The following MUC5B variants were observed in gnomAD, a reference collection of about 807,000 sequenced individuals.
MUC5B encodes mucin 5B, oligomeric mucus/gel-forming.
Under a neutral mutation model 376.9 loss-of-function variants are expected in MUC5B, and 116 were observed. The observed-to-expected ratio is 0.31, with a 90% CI of 0.26 to 0.36. The LOEUF is 0.36. MUC5B is among the 10% of genes least tolerant of loss of function. MUC5B has a pLI of 1.00. For synonymous variants in MUC5B, 3,517 were observed against 3,390.9 expected (o/e 1.04, Z -1.29); for missense variants, 7,165 against 7,769.9 (o/e 0.92, Z 2.93).
rs118120924 is a variant in MUC5B at position 1,241,188 on chromosome 11, G to A, written c.4308G>A (p.Pro1436=). ...AATACGTGCCCTGTGGCCCCTCCCC[G>A]GCCCCAGGCACCAGCCCTCAGCCCT... ...CCEYVPCGPS[P]APGTSPQPSL... The change falls in exon 31 of 49, where the codon CCG becomes CCA. Residue 1436 remains proline, a synonymous_variant. Transcript: ENST00000529681. 647 of 1,595,074 alleles carry A rather than the reference G, an allele frequency of 4.1e-4. 11 individuals are homozygous for A. In the East Asian group the frequency reaches 0.013, roughly 31 times the overall value.
rs397834801 is a variant in MUC5B, at chr11:1,250,556, T to C, written c.13676T>C (p.Val4559Ala). ...ACACCCTCCTCCACTCCAGAGACTG[T>C]CCACACCTCCACAGTGCTTACCGCC... ...TATPSSTPET[V>A]HTSTVLTATA... The change falls in exon 31 of 49, where the codon GTC (valine) becomes GCC (alanine). Residue 4559 changes from valine (V) to alanine (A), a missense_variant. Val to Ala is a moderately conservative substitution (Grantham distance 64). Around this residue, in one of 31 missense-constraint regions of MUC5B, gnomAD observed 730 missense variants for 592.7 expected, o/e 1.23. Transcript: ENST00000529681. 113 of 1,603,852 alleles carry C rather than the reference T, an allele frequency of 7.0e-5. No individual in the cohort carries two copies. Among genetic ancestry groups the C allele is most frequent in the African/African-American group, 2.2e-4 (16 of 71,342 alleles).
chr11:1,228,830 G>A, intron 8 of MUC5B, 65 bp downstream of exon 8: 1 of 1,353,034 alleles, frequency 7.4e-7, no homozygotes. Context: ...GAGCGCCTTG[G>A]GGGCCACTGG....
chr11:1,247,953 G>C lies in MUC5B; in HGVS notation c.11073G>C (p.Trp3691Cys), dbSNP rs2133837009. ...CCTCCTCAACTCCGGGGACGACCTG[G>C]ATCCTCACAAAGCTGACCACAACAG... ...ATPSSTPGTTWILTKLTTTAT... is the reference protein window; with the variant it reads ...ATPSSTPGTTCILTKLTTTAT... The change falls in exon 31 of 49, where the codon TGG becomes TGC. Residue 3691 changes from tryptophan (W) to cysteine (C), a missense_variant. Trp to Cys is a radical substitution (Grantham distance 215). This residue lies in a region of MUC5B where 90 missense variants were observed against 71.1 expected (regional missense o/e 1.27). Transcript: ENST00000529681. 6.2e-7 allele frequency: 1 copy of C among 1,610,736 alleles called. No individual in the cohort carries two copies. The highest frequency in any genetic ancestry group is 8.5e-7 in the Non-Finnish European group (1 of 1,177,920).
chr11:1,237,844 A>G (rs1862191449), intron 25 of MUC5B, among the ~76,000 whole-genome samples: 1 of 152,204 alleles, frequency 6.6e-6, no homozygotes, highest in South Asian at 2.1e-4. Flanking sequence ...ACTCCAGCCT[A>G]AGCAAAAAGA....
Position 1,251,226 on chromosome 11 carries a change from T to C in MUC5B, c.14346T>C (p.Ser4782=), listed in dbSNP as rs770386500. The C allele has an allele frequency of 3.8e-5, 61 of 1,607,454 alleles. No individual in the cohort carries two copies. Among genetic ancestry groups the C allele is most frequent in the Non-Finnish European group, 4.7e-5 (55 of 1,176,856 alleles). Residue 4782 remains serine (S), a synonymous_variant, in exon 31 of 49, where the codon TCT becomes TCC. Transcript: ENST00000529681. Reference sequence around the variant, plus strand: ...CCATGTCCACAATCCACACCTCCTCTACTCCAGAGACCACCCACACCTCCA... The same window carrying C: ...CCATGTCCACAATCCACACCTCCTCCACTCCAGAGACCACCCACACCTCCA... ...MSTMSTIHTS[S]TPETTHTSTV...
At position 1,234,050 on chromosome 11, in the gene MUC5B, C is replaced by T. The variant is rs889898487; in HGVS notation, c.2378-155C>T. ...GTGGGTCTCTGCCCCGCAGTGTGGCCGGGGTGTCCTGGGGTTGGGGGCTGC... is the reference window on the plus strand; with the variant it reads ...GTGGGTCTCTGCCCCGCAGTGTGGCTGGGGTGTCCTGGGGTTGGGGGCTGC... On this transcript the variant is annotated intron_variant, in intron 19 of 48. Coordinates refer to ENST00000529681, the MANE Select transcript of MUC5B (RefSeq NM_002458.3). This position sits in a 1 kb window ranked among gnomAD's most constrained non-coding sequence, Gnocchi z 6.3. 3.9e-5 allele frequency among the ~76,000 whole-genome samples: 6 copies of T among 152,240 alleles called. No homozygotes were observed. The East Asian group carries it at 5.8e-4, about 15-fold the overall frequency.
In MUC5B at chr11:1,245,769, G is replaced by T; in HGVS notation, c.8889G>T (p.Val2963=). ...TGTGCTTCAACTATGAAATCCGTGT[G>T]TTCTGCTGCAACTACGGCCACTGCC... The part of the protein sequence containing the change: ...FKMCFNYEIR[V]FCCNYGHCPS... The change falls in exon 31 of 49, where the codon GTG becomes GTT. Residue 2963 remains valine (V), a synonymous_variant. Transcript: ENST00000529681. The T allele has an allele frequency of 1.9e-6, 3 of 1,612,606 alleles. No homozygotes were observed. Among genetic ancestry groups the T allele is most frequent in the Non-Finnish European group, 2.5e-6 (3 of 1,179,716 alleles).
Position 1,244,626 on chromosome 11 carries a change from C to T in MUC5B, c.7746C>T (p.Thr2582=), listed in dbSNP as rs533882258. The change falls in exon 31 of 49, where the codon ACC becomes ACT. Residue 2582 remains threonine (T), a synonymous_variant. Transcript: ENST00000529681. ...TCCACACCTCCACAGTGCTTACCAC[C>T]ACGGCCACCACAACCGGGGCCACCG... is the stretch of plus-strand genomic sequence containing the variant. ...ETVHTSTVLT[T]TATTTGATGS... is the part of the protein sequence containing the mutation. 131 of 1,613,460 alleles carry T rather than the reference C, an allele frequency of 8.1e-5. No homozygotes were observed. The highest frequency in any genetic ancestry group is 3.3e-4 in the Middle Eastern group (2 of 6,056).
chr11:1,231,572 C>T lies in MUC5B; in HGVS notation c.1678+12C>T. 1.3e-6 allele frequency: 2 copies of T among 1,559,642 alleles called. No individual in the cohort carries two copies. The highest frequency in any genetic ancestry group is 1.4e-5 in the African/African-American group (1 of 73,778). The stretch of plus-strand genomic sequence containing the variant: ...GGGCCAGATGTGCGGTGAGGCTGGG[C>T]AGGGGCCTTCGGGGACAGGGCCATT... On this transcript the variant is annotated intron_variant, in intron 14 of 48. Transcript: ENST00000529681.
Position 1,238,901 on chromosome 11 carries a change from G to A in MUC5B, c.3328G>A (p.Val1110Met), listed in dbSNP as rs376161492. The change falls in exon 26 of 49, where the codon GTG (valine) becomes ATG (methionine). Residue 1110 changes from valine (V) to methionine (M), a missense_variant. Physicochemically the swap from Val to Met is conservative, Grantham distance 21. This residue lies in a region of MUC5B where 143 missense variants were observed against 193.2 expected (regional missense o/e 0.74). Transcript: ENST00000529681. ...VDSTKYYEAC[V>M]NDACACDSGG... ...CTCCACCAAGTACTACGAGGCCTGCGTGAACGACGCGTGTGCCTGCGACTC... is the reference window on the plus strand; with the variant it reads ...CTCCACCAAGTACTACGAGGCCTGCATGAACGACGCGTGTGCCTGCGACTC... The A allele has an allele frequency of 1.9e-5, 29 of 1,565,564 alleles. No homozygotes were observed. Among genetic ancestry groups the A allele is most frequent in the East Asian group, 1.2e-4 (5 of 41,998 alleles).
intron 33 of MUC5B, 75 bp from the exon 34 acceptor site, chr11:1,254,017 C>T (rs535889992): frequency 2.8e-5 from 43 of 1,536,366 alleles, no homozygotes; most frequent in African/African-American, 8.2e-5. Context: ...ACAGTGGTGA[C>T]GCTGGCTGCC....
chr11:1,258,260 C>G lies in MUC5B; in HGVS notation c.16555+57C>G. ...GCCTCTTGCTGGGGGTGGGGGAGTG[C>G]AGGATGGTGGGGGCGCTGGAGCACA... On this transcript the variant is annotated intron_variant, in intron 42 of 48. Coordinates refer to ENST00000529681, the MANE Select transcript of MUC5B (RefSeq NM_002458.3). The surrounding 1 kb of genome is among the most constrained non-coding windows in gnomAD (Gnocchi z 5.5). The G allele has an allele frequency of 6.3e-7, 1 of 1,581,662 alleles. No individual in the cohort carries two copies. Among genetic ancestry groups the G allele is most frequent in the Non-Finnish European group, 8.6e-7 (1 of 1,163,356 alleles).
Position 1,233,778 on chromosome 11 carries a change from G to T in MUC5B, c.2322-15G>T. On this transcript the variant is annotated splice_polypyrimidine_tract_variant and intron_variant, in intron 18 of 48. Transcript: ENST00000529681. Reference sequence around the variant, plus strand: ...GAGGGCCGCAGATCCAGGCTGTGCCGTCTGTCTCTTGTAGTTCATGTACGG... The same window carrying T: ...GAGGGCCGCAGATCCAGGCTGTGCCTTCTGTCTCTTGTAGTTCATGTACGG... 7 of 1,599,992 alleles carry T rather than the reference G, an allele frequency of 4.4e-6. No individual in the cohort carries two copies. The highest frequency in any genetic ancestry group is 6.0e-6 in the Non-Finnish European group (7 of 1,174,010).
Position 1,225,629 on chromosome 11 carries a change from G to A in MUC5B, c.71-52G>A, listed in dbSNP as rs1345283126. Reference sequence around the variant, plus strand: ...TGGCCAGGTCCGTGGTTGGGTTCGTGGCTGGCAGCCACATCTAGTTCCTCA... The same window carrying A: ...TGGCCAGGTCCGTGGTTGGGTTCGTAGCTGGCAGCCACATCTAGTTCCTCA... On this transcript the variant is annotated intron_variant, in intron 1 of 48. Transcript: ENST00000529681. 4 of 1,530,424 alleles carry A rather than the reference G, an allele frequency of 2.6e-6. No homozygotes were observed. The East Asian group carries it at 7.3e-5, about 28-fold the overall frequency. 94.8% of individuals were successfully genotyped at this position (1,530,424 alleles called of 1,614,324 possible). A position where few individuals can be genotyped will look rare whatever the true frequency, so the allele number is the denominator to read the frequency against.
In MUC5B at chr11:1,248,479, A is replaced by C. The variant is rs767458717; in HGVS notation, c.11599A>C (p.Thr3867Pro). 10 of 1,610,838 alleles carry C rather than the reference A, an allele frequency of 6.2e-6. No individual in the cohort carries two copies. In the South Asian group the frequency reaches 9.9e-5, roughly 16 times the overall value. The change falls in exon 31 of 49, where the codon ACT becomes CCT. Residue 3867 changes from threonine (T) to proline (P), a missense_variant. This residue lies in a region of MUC5B where 242 missense variants were observed against 199.0 expected (regional missense o/e 1.22). Transcript: ENST00000529681. ...AACAGCTCACACTACCAAAGTGCCGACTACCACAACCACGGGCTTCACAGT... is the reference window on the plus strand; with the variant it reads ...AACAGCTCACACTACCAAAGTGCCGCCTACCACAACCACGGGCTTCACAGT... ...PGTAHTTKVP[T>P]TTTTGFTVTP...
chr11:1,246,472 A>G lies in MUC5B; in HGVS notation c.9592A>G (p.Ser3198Gly). 5 of 1,613,466 alleles carry G rather than the reference A, an allele frequency of 3.1e-6. No individual in the cohort carries two copies. Among genetic ancestry groups the G allele is most frequent in the Non-Finnish European group, 3.4e-6 (4 of 1,179,740 alleles). The change falls in exon 31 of 49, where the codon AGC becomes GGC. Residue 3198 changes from serine (S) to glycine (G), a missense_variant. Physicochemically the swap from Ser to Gly is moderately conservative, Grantham distance 56 (BLOSUM62 0). Coordinates refer to ENST00000529681, the MANE Select transcript of MUC5B (RefSeq NM_002458.3). The part of the protein sequence containing the change: ...ATAGTLKVLT[S>G]TATTPTVISS... ...TGCTGGCACCCTCAAAGTGCTGACC[A>G]GCACGGCCACCACACCCACAGTCAT... is the stretch of plus-strand genomic sequence containing the variant.
chr11:1,249,862 T>G lies in MUC5B; in HGVS notation c.12982T>G (p.Ser4328Ala). The G allele has an allele frequency of 2.5e-6, 4 of 1,611,308 alleles. No individual in the cohort carries two copies. The highest frequency in any genetic ancestry group is 3.4e-6 in the Non-Finnish European group (4 of 1,179,226). The change falls in exon 31 of 49, where the codon TCC becomes GCC. Residue 4328 changes from serine (S) to alanine (A), a missense_variant. Physicochemically the swap from Ser to Ala is moderately conservative, Grantham distance 99. Transcript: ENST00000529681. ...STATSVTPIP[S>A]STLGTTGTLP... Reference sequence around the variant, plus strand: ...AGCTACCAGCGTTACACCCATCCCCTCCTCCACCCTTGGGACCACCGGGAC... The same window carrying G: ...AGCTACCAGCGTTACACCCATCCCCGCCTCCACCCTTGGGACCACCGGGAC...
At chr11:1,229,032 C>T (rs1308053822) in intron 8 of MUC5B, 138 bp from the exon 9 acceptor site, 14 of 1,061,158 alleles carry the variant, frequency 1.3e-5, no homozygotes, top group East Asian at 2.7e-5. Flanking sequence ...CGATGAGGGG[C>T]GTCAGGGCCA....
In MUC5B at chr11:1,244,729, A is replaced by C. The variant is rs1446533449; in HGVS notation, c.7849A>C (p.Thr2617Pro). 6.2e-7 allele frequency: 1 copy of C among 1,609,838 alleles called. No homozygotes were observed. Among genetic ancestry groups the C allele is most frequent in the East Asian group, 2.2e-5 (1 of 44,838 alleles). The change falls in exon 31 of 49, where the codon ACA becomes CCA. Residue 2617 changes from threonine (T) to proline (P), a missense_variant. Transcript: ENST00000529681. The stretch of plus-strand genomic sequence containing the variant: ...GCTGACTACCACAACCACGGGCTTC[A>C]CAGCCACCCCCTCCTCCAGCCCAGG... Reference protein sequence around the residue: ...KVLTTTTTGFTATPSSSPGTA... With the variant: ...KVLTTTTTGFPATPSSSPGTA...
Sources: allele counts gnomAD v4.1 joint callset (sites outside exome capture counted in the v4.1 genomes callset), GRCh38; gene constraint gnomAD v4.1.1; regional missense constraint gnomAD v4.1.1; non-coding constraint Gnocchi (gnomAD v3.1); transcripts MANE v1.5; gene names NCBI Gene and HGNC (gene_info 2026-07-23, HGNC 2026-07-21).